CAMTA1: variants seen among roughly 807,000 people sequenced by gnomAD.
CAMTA1 encodes calmodulin binding transcription activator 1.
A neutral mutation model predicts 170.9 loss-of-function variants in CAMTA1; 27 were observed. That is an observed-to-expected ratio of 0.16 (90% CI 0.12 to 0.22). CAMTA1 has a LOEUF of 0.22. Among genes scored for constraint, CAMTA1 ranks in the 10% least tolerant of loss-of-function variants. The pLI, the probability that CAMTA1 is intolerant of heterozygous loss-of-function variation, is 1.00. For missense variants in CAMTA1, 1,619 were observed against 2,217.2 expected, an observed-to-expected ratio of 0.73 and a Z score of 5.42; for synonymous variants, 833 against 891.5, an observed-to-expected ratio of 0.93 and a Z score of 1.17.
chr1:7,711,298 T>C (rs1005045633), intron 11 of CAMTA1, among the ~76,000 whole-genome samples: 1 of 152,180 alleles, frequency 6.6e-6, no homozygotes, highest in Admixed American at 6.5e-5. Context: ...AGGTCCCACT[T>C]CCTAATACCA....
intron 6 of CAMTA1, among the ~76,000 whole-genome samples, chr1:7,581,401 C>T (rs1397235104): frequency 1.3e-5 from 2 of 152,268 alleles, no homozygotes; most frequent in East Asian, 3.8e-4. Flanking sequence ...GGCTTCATTA[C>T]TCTGTTCCCT....
intron 3 of CAMTA1, among the ~76,000 whole-genome samples, chr1:7,032,632 A>G (rs1025263054): frequency 6.6e-6 from 1 of 152,142 alleles, no homozygotes; most frequent in Admixed American, 6.5e-5. Context: ...CCACATCTCT[A>G]CCATTTCCAG....
chr1:7,273,991 A>G (rs1407742123), intron 5 of CAMTA1, among the ~76,000 whole-genome samples: 1 of 152,210 alleles, frequency 6.6e-6, no homozygotes, highest in Non-Finnish European at 1.5e-5. Context: ...GGAATAAGCC[A>G]ATAGTGGATA....
chr1:7,030,981 C>T (rs540038318), intron 3 of CAMTA1, among the ~76,000 whole-genome samples: 2 of 149,496 alleles, frequency 1.3e-5, no homozygotes, highest in Non-Finnish European at 3.0e-5. Context: ...ACTACAGGCG[C>T]TCGCCACCAT....
chr1:7,065,304 G>A lies in CAMTA1; in HGVS notation c.235-26000G>A, dbSNP rs1172586999. Among the ~76,000 whole-genome samples the A allele has an allele frequency of 1.3e-5, 2 of 152,198 alleles. No homozygotes were observed. The highest frequency in any genetic ancestry group is 3.9e-4 in the East Asian group (2 of 5,194). ...TGTTGCAGGAAGATGGACAGCCCATGAGGTTTCCCAGAGGGCCTGGCCACT... is the reference window on the plus strand; with the variant it reads ...TGTTGCAGGAAGATGGACAGCCCATAAGGTTTCCCAGAGGGCCTGGCCACT... On this transcript the variant is annotated intron_variant, in intron 3 of 22. Transcript: ENST00000303635. The surrounding 1 kb of genome is among the most constrained non-coding windows in gnomAD (Gnocchi z 5.2).
At chr1:7,376,553 C>T (rs2086857137) in intron 5 of CAMTA1, among the ~76,000 whole-genome samples, 1 of 152,162 alleles carries the variant, frequency 6.6e-6, no homozygotes, top group Non-Finnish European at 1.5e-5. Flanking sequence ...CCAGTGAACT[C>T]ATGCAGCAGA....
rs1553129600 is a variant in CAMTA1, at chr1:7,310,700, C to CTTTCTTTCTTTCTT, written c.438+61075_438+61076insTTCTTTCTTTCTTT. The stretch of plus-strand genomic sequence containing the variant: ...TCTTTCTCTCTCTCTCTCTCTCTCT[C>CTTTCTTTCTTTCTT]TCTTTCTTTCTTTCTTTCTTTCTTT... On this transcript the variant is annotated intron_variant, in intron 5 of 22. Coordinates refer to ENST00000303635, the MANE Select transcript of CAMTA1 (RefSeq NM_015215.4). Among the ~76,000 whole-genome samples, 56 of 53,492 alleles carry CTTTCTTTCTTTCTT rather than the reference C, an allele frequency of 1.0e-3. 2 individuals carry two copies. Among genetic ancestry groups the CTTTCTTTCTTTCTT allele is most frequent in the Admixed American group, 7.4e-3 (32 of 4,352 alleles). The allele number at this position is 53,492 out of a possible 152,430, so 35.1% of individuals were successfully genotyped here.
In CAMTA1 at chr1:7,092,534, C is replaced by T. The variant is rs1232778494; in HGVS notation, c.302+1163C>T. Among the ~76,000 whole-genome samples the T allele has an allele frequency of 6.6e-6, 1 of 152,160 alleles. No homozygotes were observed. Among genetic ancestry groups the T allele is most frequent in the Non-Finnish European group, 1.5e-5 (1 of 68,030 alleles). On this transcript the variant is annotated intron_variant, in intron 4 of 22. Coordinates refer to ENST00000303635, the MANE Select transcript of CAMTA1 (RefSeq NM_015215.4). This position sits in a 1 kb window ranked among gnomAD's most constrained non-coding sequence, Gnocchi z 5.0. ...TTGAGGCTCCCTTCCCCAGGTGGCTCTGAATGGTTCACCTCTGGCCTGAGA... is the reference window on the plus strand; with the variant it reads ...TTGAGGCTCCCTTCCCCAGGTGGCTTTGAATGGTTCACCTCTGGCCTGAGA...
At chr1:6,878,350 A>G (rs1670520059) in intron 3 of CAMTA1, among the ~76,000 whole-genome samples, 1 of 152,258 alleles carries the variant, frequency 6.6e-6, no homozygotes, top group African/African-American at 2.4e-5. Context: ...GCATTACCAC[A>G]GCCCAGCTCG....
chr1:7,182,496 GAAA>G (rs1170643135), intron 4 of CAMTA1, among the ~76,000 whole-genome samples: 15 of 98,458 alleles, frequency 1.5e-4, no homozygotes, highest in Admixed American at 3.5e-4. Flanking sequence ...CCCCATCTCA[GAAA>G]AAAAAAAAAA....
In CAMTA1 at chr1:7,482,322, C is replaced by T. The variant is rs942460889; in HGVS notation, c.510+14421C>T. Among the ~76,000 whole-genome samples the T allele has an allele frequency of 5.3e-5, 8 of 152,154 alleles. No individual in the cohort carries two copies. The highest frequency in any genetic ancestry group is 3.9e-4 in the Admixed American group (6 of 15,270). ...TTATTGGATAGGTGTGAATGGTGTC[C>T]ATCCATCCAGCACCGGGCTTCCTGA... On this transcript the variant is annotated intron_variant, in intron 6 of 22. Transcript: ENST00000303635. This position sits in a 1 kb window ranked among gnomAD's most constrained non-coding sequence, Gnocchi z 4.2.
chr1:7,663,512 G>T lies in CAMTA1; in HGVS notation c.965G>T (p.Ser322Ile). 1 of 1,602,784 alleles carries T rather than the reference G, an allele frequency of 6.2e-7. No homozygotes were observed. Among genetic ancestry groups the T allele is most frequent in the East Asian group, 2.2e-5 (1 of 44,572 alleles). ...KHEHSHSKGS[S>I]REKRNGKVAK... ...GAGCACAGCCACAGCAAGGGCTCCA[G>T]CCGTGAGAAGAGGAACGGCAAGGTG... The change falls in exon 9 of 23, where the codon AGC becomes ATC. Residue 322 changes from serine to isoleucine, a missense_variant. Physicochemically the swap from Ser to Ile is moderately radical, Grantham distance 142. Coordinates refer to ENST00000303635, the MANE Select transcript of CAMTA1 (RefSeq NM_015215.4).
At position 7,512,585 on chromosome 1, in the gene CAMTA1, T is replaced by C. The variant is rs117443207; in HGVS notation, c.510+44684T>C. ...CTGGACCTGGACTGGGGCTTGGTTT[T>C]CTGAGAGCAGAAGGCGGGAGGGCCG... On this transcript the variant is annotated intron_variant, in intron 6 of 22. Transcript: ENST00000303635. Among the ~76,000 whole-genome samples, 263 of 152,304 alleles carry C rather than the reference T, an allele frequency of 1.7e-3. 8 individuals carry two copies. In the East Asian group the frequency reaches 0.035, roughly 20 times the overall value.
At chr1:7,143,646 C>CTTA (rs943499094) in intron 4 of CAMTA1, among the ~76,000 whole-genome samples, 59 of 152,268 alleles carry the variant, frequency 3.9e-4, no homozygotes, top group African/African-American at 1.2e-3. Flanking sequence ...TGTGTCATAC[C>CTTA]ATCTTCTTAC....
At chr1:7,691,979 AGGAG>A (rs60935131) in intron 11 of CAMTA1, among the ~76,000 whole-genome samples, 75,355 of 140,884 alleles carry the variant, frequency 0.53, 19,545 homozygotes, top group Middle Eastern at 0.6. Flanking sequence ...AAGGGAAGGA[AGGAG>A]GGAGGGAGGG....
At chr1:7,219,019 A>G (rs532550045) in intron 4 of CAMTA1, among the ~76,000 whole-genome samples, 71 of 152,312 alleles carry the variant, frequency 4.7e-4, no homozygotes, top group African/African-American at 1.7e-3. Flanking sequence ...TTCAAGTACA[A>G]TTGTAACTCA....
rs1292587545 is a variant in CAMTA1, at chr1:6,879,647, T to G, written c.234+54437T>G. Among the ~76,000 whole-genome samples the G allele has an allele frequency of 1.0e-4, 15 of 148,454 alleles. No homozygotes were observed. The Admixed American group carries it at 1.0e-3, about 10-fold the overall frequency. On this transcript the variant is annotated intron_variant, in intron 3 of 22. Transcript: ENST00000303635. Reference sequence around the variant, plus strand: ...TTTTTTTTTGAGACAAGGTTCTTGCTCTGTCACCCAGATGAAGAACCCGCC... The same window carrying G: ...TTTTTTTTTGAGACAAGGTTCTTGCGCTGTCACCCAGATGAAGAACCCGCC...
At chr1:7,320,651 T>TG (rs1678247836) in intron 5 of CAMTA1, among the ~76,000 whole-genome samples, 1 of 92,092 alleles carries the variant, frequency 1.1e-5, no homozygotes, top group African/African-American at 7.2e-5. Context: ...CTGTGTGTGT[T>TG]TTTTTTTTTT....
intron 5 of CAMTA1, among the ~76,000 whole-genome samples, chr1:7,277,871 C>T (rs1670974301): frequency 6.6e-6 from 1 of 151,616 alleles, no homozygotes; most frequent in Non-Finnish European, 1.5e-5. Context: ...TTTTAAATGA[C>T]TCTGTGTGAT....
Sources: allele counts gnomAD v4.1 joint callset (sites outside exome capture counted in the v4.1 genomes callset), GRCh38; gene constraint gnomAD v4.1.1; non-coding constraint Gnocchi (gnomAD v3.1); transcripts MANE v1.5; gene names NCBI Gene and HGNC (gene_info 2026-07-23, HGNC 2026-07-21).